The following CSMD3 variants were observed in gnomAD, a reference collection of about 807,000 sequenced individuals.
CSMD3 encodes CUB and sushi domain-containing protein 3.
Under a neutral mutation model 435.2 loss-of-function variants are expected in CSMD3, and 177 were observed. The observed-to-expected ratio is 0.41, with a 90% CI of 0.36 to 0.46. The LOEUF (loss-of-function observed/expected upper bound fraction) is 0.46. CSMD3 is among the 20% of genes least tolerant of loss of function. CSMD3 has a pLI of 0.34. For synonymous variants in CSMD3, 1,656 were observed against 1,520.5 expected (o/e 1.09, Z -2.07); for missense variants, 4,265 against 4,504.6 (o/e 0.95, Z 1.52).
intron 31 of CSMD3, among the ~76,000 whole-genome samples, chr8:112,473,449 A>T (rs1255340822): frequency 6.6e-6 from 1 of 152,162 alleles, no homozygotes; most frequent in Non-Finnish European, 1.5e-5. Flanking sequence ...AGCGAATAAG[A>T]TCACTCTGAA....
chr8:112,638,962 A>T, intron 20 of CSMD3, 51 bp from the exon 21 acceptor site: 1 of 1,265,844 alleles, frequency 7.9e-7, no homozygotes. Context: ...AGTAAAACAC[A>T]GAGAGTTACT....
chr8:112,965,558 G>A (rs967684013), intron 7 of CSMD3, among the ~76,000 whole-genome samples: 2 of 151,792 alleles, frequency 1.3e-5, no homozygotes, highest in African/African-American at 4.8e-5. Flanking sequence ...TCTTTACATA[G>A]GACTAACTCA....
At chr8:112,396,397 C>G (rs1830865035) in intron 35 of CSMD3, among the ~76,000 whole-genome samples, 1 of 152,134 alleles carries the variant, frequency 6.6e-6, no homozygotes, top group African/African-American at 2.4e-5. Flanking sequence ...TTTGCTCTCT[C>G]TCAGAATAAA....
chr8:112,719,560 C>T (rs946047491), intron 13 of CSMD3, among the ~76,000 whole-genome samples: 3 of 152,024 alleles, frequency 2.0e-5, no homozygotes, highest in Non-Finnish European at 2.9e-5. Context: ...GAGAGACAGA[C>T]GGAGATTTCA....
At chr8:112,736,897 A>G (rs2077197090) in intron 13 of CSMD3, among the ~76,000 whole-genome samples, 2 of 151,972 alleles carry the variant, frequency 1.3e-5, no homozygotes, top group Admixed American at 1.3e-4. Flanking sequence ...AAATTAGAAC[A>G]TTTTCATCTA....
rs142253910 is a variant in CSMD3 at position 112,446,900 on chromosome 8, G to C, written c.5395+25691C>G. On this transcript the variant is annotated intron_variant, in intron 32 of 70. Coordinates refer to ENST00000297405, the MANE Select transcript of CSMD3 (RefSeq NM_198123.2). The stretch of plus-strand genomic sequence containing the variant: ...CCCTTGGGCTAGTTCTTATCATTTG[G>C]CTGCTACTTCTTCCATCATAATGTA... 4.3e-4 allele frequency among the ~76,000 whole-genome samples: 66 copies of C among 152,060 alleles called. No individual in the cohort carries two copies. The East Asian group carries it at 0.012, about 29-fold the overall frequency.
chr8:113,344,085 A>T (rs1350339965), intron 1 of CSMD3, among the ~76,000 whole-genome samples: 1 of 152,136 alleles, frequency 6.6e-6, no homozygotes, highest in Non-Finnish European at 1.5e-5. Flanking sequence ...TCTTACATAT[A>T]TTAATCTAGG....
intron 11 of CSMD3, 122 bp from the exon 12 acceptor site, chr8:112,829,911 AC>A: frequency 1.5e-6 from 1 of 646,930 alleles, no homozygotes; most frequent in South Asian, 1.7e-5. Flanking sequence ...ACACACACAC[AC>A]ACACACACAC....
chr8:113,016,336 A>G (rs1178118718), intron 6 of CSMD3, among the ~76,000 whole-genome samples: 1 of 151,896 alleles, frequency 6.6e-6, no homozygotes, highest in Non-Finnish European at 1.5e-5. Flanking sequence ...AAATTATAAT[A>G]TCTAAAGCAT....
intron 9 of CSMD3, among the ~76,000 whole-genome samples, chr8:112,938,167 C>T (rs998045438): frequency 6.6e-6 from 1 of 152,150 alleles, no homozygotes; most frequent in African/African-American, 2.4e-5. Context: ...TAAGTTGCTG[C>T]AACATAAGGA....
At chr8:112,803,103 A>T (rs901712573) in intron 12 of CSMD3, among the ~76,000 whole-genome samples, 1 of 152,172 alleles carries the variant, frequency 6.6e-6, no homozygotes, top group South Asian at 2.1e-4. Flanking sequence ...GATACATATT[A>T]TTCTTGGTGG....
At chr8:112,229,254 G>A (rs1372623187) in intron 69 of CSMD3, among the ~76,000 whole-genome samples, 1 of 152,102 alleles carries the variant, frequency 6.6e-6, no homozygotes, top group East Asian at 1.9e-4. Context: ...CATAGGCTTG[G>A]CTTGAAAAAT....
chr8:112,666,224 A>G (rs2131706261), intron 17 of CSMD3, 53 bp downstream of exon 17: 1 of 1,337,604 alleles, frequency 7.5e-7, no homozygotes, highest in Non-Finnish European at 1.1e-6. Context: ...GAGAATGTCA[A>G]CTAATCTTTT....
At chr8:112,979,418 T>C (rs1235796486) in intron 6 of CSMD3, among the ~76,000 whole-genome samples, 1 of 151,658 alleles carries the variant, frequency 6.6e-6, no homozygotes, top group African/African-American at 2.4e-5. Context: ...CTGATATTGG[T>C]AATATTTTAA....
intron 22 of CSMD3, among the ~76,000 whole-genome samples, chr8:112,588,747 C>T (rs1342127987): frequency 6.6e-6 from 1 of 152,058 alleles, no homozygotes; most frequent in Admixed American, 6.6e-5. Flanking sequence ...GTTTGTTATA[C>T]CTTTAATTAC....
chr8:112,609,513 A>T (rs1054313645), intron 22 of CSMD3, among the ~76,000 whole-genome samples: 1 of 152,140 alleles, frequency 6.6e-6, no homozygotes, highest in African/African-American at 2.4e-5. Context: ...GAAAAAAGAT[A>T]AAAAATGTTG....
chr8:112,254,298 T>C lies in CSMD3; in HGVS notation c.10065A>G (p.Pro3355=). The change falls in exon 63 of 71, where the codon CCA becomes CCG. Residue 3355 remains proline (P), a synonymous_variant. Transcript: ENST00000297405. ...TCTGAGATCCATGCCGAGGCACACC[T>C]GGGTTTTCACAAGAGGTTTGGGTAG... ...IEPTQTSCEN[P]GVPRHGSQNN... is the part of the protein sequence containing the mutation. The C allele has an allele frequency of 1.9e-6, 3 of 1,612,674 alleles. No homozygotes were observed. Among genetic ancestry groups the C allele is most frequent in the Non-Finnish European group, 2.5e-6 (3 of 1,178,876 alleles).
At chr8:112,489,340 G>T (rs1054008592) in intron 31 of CSMD3, among the ~76,000 whole-genome samples, 21 of 152,172 alleles carry the variant, frequency 1.4e-4, no homozygotes, top group African/African-American at 5.1e-4. Flanking sequence ...TGGGAGAACT[G>T]CTTGAACCTG....
intron 16 of CSMD3, among the ~76,000 whole-genome samples, chr8:112,681,098 G>T (rs536829456): frequency 1.5e-4 from 23 of 150,048 alleles, no homozygotes; most frequent in Non-Finnish European, 2.7e-4. Context: ...GCAGTGGCGC[G>T]ATCTCAGCTC....
Sources: gnomAD v4.1 joint callset for allele counts (sites outside exome capture counted in the v4.1 genomes callset) on GRCh38, gnomAD v4.1.1 for gene constraint, MANE v1.5 for transcripts, NCBI Gene and HGNC (gene_info 2026-07-23, HGNC 2026-07-21) for gene names.